ST18: variants seen among roughly 807,000 people sequenced by gnomAD.
ST18 encodes the protein suppression of tumorigenicity 18 protein.
In ST18, 50 loss-of-function variants were observed where a neutral mutation model predicts 110.0. That is an observed-to-expected ratio of 0.45 (90% CI 0.36 to 0.58). The LOEUF is 0.58. Among genes scored for constraint, ST18 ranks in the 20% least tolerant of loss-of-function variants. ST18 has a pLI of 0.00. For synonymous variants in ST18, 461 were observed against 452.4 expected, an observed-to-expected ratio of 1.02 and a Z score of -0.24; for missense variants, 1,306 against 1,280.1, an observed-to-expected ratio of 1.02 and a Z score of -0.31.
Position 52,132,968 on chromosome 8 carries a change from A to AATCCG in ST18, c.2444+84_2444+88dup. 2.1e-6 allele frequency: 3 copies of AATCCG among 1,422,076 alleles called. No individual in the cohort carries two copies. In the South Asian group the frequency reaches 3.6e-5, roughly 17 times the overall value. 88.1% of individuals were successfully genotyped at this position (1,422,076 alleles called of 1,614,324 possible). ...ATAGGGTACACCTTCCCTGAAACTC[A>AATCCG]ATCCGTGTTCAATTGCATCCCAACC... On this transcript the variant is annotated intron_variant, in intron 21 of 25. Coordinates refer to ENST00000689386, the MANE Select transcript of ST18 (RefSeq NM_001352837.2).
chr8:52,210,079 C>T, intron 8 of ST18: 1 of 456,132 alleles, frequency 2.2e-6, no homozygotes, highest in Non-Finnish European at 4.4e-6. Flanking sequence ...TGGTGTCCCT[C>T]ACCAGGTAAG....
intron 2 of ST18, among the ~76,000 whole-genome samples, chr8:52,268,881 G>T (rs935670807): frequency 6.6e-5 from 10 of 152,194 alleles, no homozygotes; most frequent in African/African-American, 2.2e-4. Flanking sequence ...CCTGCTGCTT[G>T]GGGGAAGTGC....
intron 2 of ST18, among the ~76,000 whole-genome samples, chr8:52,316,521 G>A (rs949176489): frequency 2.0e-5 from 3 of 152,180 alleles, no homozygotes; most frequent in African/African-American, 7.2e-5. Context: ...CCACATTCAA[G>A]TTTTATTTTA....
chr8:52,265,990 G>A (rs1343497963), intron 2 of ST18, among the ~76,000 whole-genome samples: 1 of 152,190 alleles, frequency 6.6e-6, no homozygotes, highest in East Asian at 1.9e-4. Context: ...AGTCACAGAT[G>A]TCAAGAGGAA....
intron 2 of ST18, among the ~76,000 whole-genome samples, chr8:52,316,759 G>A (rs978760304): frequency 6.6e-6 from 1 of 152,110 alleles, no homozygotes; most frequent in East Asian, 1.9e-4. Flanking sequence ...TGACTTTCTA[G>A]CTCAGTGGTC....
At chr8:52,303,206 C>G (rs1382917479) in intron 2 of ST18, among the ~76,000 whole-genome samples, 3 of 152,182 alleles carry the variant, frequency 2.0e-5, no homozygotes, top group East Asian at 3.9e-4. Context: ...GACCATGCAC[C>G]CTCTGAAGGC....
At chr8:52,229,036 T>C (rs1002461863) in intron 3 of ST18, among the ~76,000 whole-genome samples, 3 of 152,178 alleles carry the variant, frequency 2.0e-5, no homozygotes, top group African/African-American at 4.8e-5. Flanking sequence ...ACTCTCTGAG[T>C]TGGCAATAAC....
intron 2 of ST18, among the ~76,000 whole-genome samples, chr8:52,257,182 C>T (rs1413938491): frequency 6.6e-6 from 1 of 152,100 alleles, no homozygotes; most frequent in African/African-American, 2.4e-5. Context: ...TTTGGATATA[C>T]CATATCTTAT....
At position 52,112,608 on chromosome 8, in the gene ST18, A is replaced by C. The variant is rs2040857281; in HGVS notation, c.*590T>G. ...ATTTGTCTTCTTATTCCTTCCGTGC[A>C]GCTCACCTTACCGCAAATTCATTTA... On this transcript the variant is annotated 3_prime_UTR_variant, in exon 26 of 26. Transcript: ENST00000689386. 6.6e-6 allele frequency: 1 copy of C among 152,578 alleles called. No homozygotes were observed. The highest frequency in any genetic ancestry group is 2.1e-4 in the South Asian group (1 of 4,828). 9.5% of individuals were successfully genotyped at this position (152,578 alleles called of 1,614,324 possible). A position where few individuals can be genotyped will look rare whatever the true frequency, so the allele number is the denominator to read the frequency against.
chr8:52,367,271 A>ACACAC (rs760192022), intron 2 of ST18, among the ~76,000 whole-genome samples: 1 of 9,856 alleles, frequency 1.0e-4, no homozygotes, highest in Non-Finnish European at 3.6e-4. Flanking sequence ...CACACACACA[A>ACACAC]AGATTTTACC....
At chr8:52,149,018 A>C (rs2058114464) in intron 16 of ST18, among the ~76,000 whole-genome samples, 1 of 152,234 alleles carries the variant, frequency 6.6e-6, no homozygotes, top group Non-Finnish European at 1.5e-5. Context: ...AATTACACAG[A>C]GTCTAAACAA....
At chr8:52,377,594 G>A (rs11994019) in intron 2 of ST18, among the ~76,000 whole-genome samples, 24,758 of 152,058 alleles carry the variant, frequency 0.16, 3,293 homozygotes, top group African/African-American at 0.36. Context: ...TCAAAAGACA[G>A]GAAATAAAAA....
At chr8:52,312,574 G>A (rs1474433679) in intron 2 of ST18, among the ~76,000 whole-genome samples, 2 of 152,168 alleles carry the variant, frequency 1.3e-5, no homozygotes, top group Non-Finnish European at 2.9e-5. Context: ...TAGAAGAATG[G>A]TCAGATATAG....
chr8:52,269,192 T>C (rs1361453749), intron 2 of ST18, among the ~76,000 whole-genome samples: 1 of 152,200 alleles, frequency 6.6e-6, no homozygotes, highest in Admixed American at 6.5e-5. Context: ...AAGTGACCCA[T>C]CACCCTCTAT....
chr8:52,140,140 G>T (rs113618203), intron 17 of ST18, among the ~76,000 whole-genome samples: 2,008 of 152,300 alleles, frequency 0.013, 58 homozygotes, highest in African/African-American at 0.046. Context: ...TAAGGACAGG[G>T]TGACATGGAA....
At chr8:52,365,173 A>G (rs1263740511) in intron 2 of ST18, among the ~76,000 whole-genome samples, 1 of 151,770 alleles carries the variant, frequency 6.6e-6, no homozygotes, top group Non-Finnish European at 1.5e-5. Context: ...GCACAAAAAC[A>G]TGATGATGGA....
intron 2 of ST18, among the ~76,000 whole-genome samples, chr8:52,292,926 C>T (rs1406619613): frequency 6.6e-6 from 1 of 152,196 alleles, no homozygotes; most frequent in Non-Finnish European, 1.5e-5. Flanking sequence ...ATTCTGGCCT[C>T]TTTCCTATGA....
intron 23 of ST18, chr8:52,125,784 C>G: frequency 2.6e-6 from 1 of 384,796 alleles, no homozygotes; most frequent in Non-Finnish European, 4.6e-6. Flanking sequence ...GCCAGCATGC[C>G]CTGCCAACCA....
chr8:52,295,564 C>A (rs1271012178), intron 2 of ST18, among the ~76,000 whole-genome samples: 3 of 152,058 alleles, frequency 2.0e-5, no homozygotes, highest in Non-Finnish European at 4.4e-5. Flanking sequence ...TGCAAAATTT[C>A]ATTTTCTCTC....
Sources: gnomAD v4.1 joint callset for allele counts (sites outside exome capture counted in the v4.1 genomes callset) on GRCh38, gnomAD v4.1.1 for gene constraint, MANE v1.5 for transcripts, NCBI Gene and HGNC (gene_info 2026-07-23, HGNC 2026-07-21) for gene names.